Variants in LRP1B observed in about 807,000 individuals in gnomAD.
The protein encoded by LRP1B is LDL receptor related protein 1B.
In LRP1B, 217 loss-of-function variants were observed where a neutral mutation model predicts 556.6. That is an observed-to-expected ratio of 0.39 (90% CI 0.35 to 0.44). LRP1B has a LOEUF of 0.44. Among genes scored for constraint, LRP1B ranks in the 20% least tolerant of loss-of-function variants. The probability of loss-of-function intolerance (pLI) is 1.00; values close to 1 mark genes in which losing one functional copy is unlikely to be tolerated. For missense variants in LRP1B, 5,053 were observed against 5,620.8 expected, an observed-to-expected ratio of 0.90 and a Z score of 3.23; for synonymous variants, 2,047 against 1,865.8, an observed-to-expected ratio of 1.10 and a Z score of -2.50.
At chr2:141,384,042 T>A (rs140905148) in intron 3 of LRP1B, among the ~76,000 whole-genome samples, 107 of 152,346 alleles carry the variant, frequency 7.0e-4, no homozygotes, top group African/African-American at 2.5e-3. Context: ...TAACTATGGC[T>A]ATGTTAATTA....
intron 5 of LRP1B, among the ~76,000 whole-genome samples, chr2:141,239,436 T>C (rs1281007803): frequency 6.6e-6 from 1 of 152,012 alleles, no homozygotes; most frequent in Non-Finnish European, 1.5e-5. Context: ...GACAGGAAAA[T>C]AGGTTTAAAG....
At chr2:141,410,654 T>C (rs1418461232) in intron 3 of LRP1B, among the ~76,000 whole-genome samples, 1 of 152,002 alleles carries the variant, frequency 6.6e-6, no homozygotes, top group Non-Finnish European at 1.5e-5. Flanking sequence ...AGGAATGGTG[T>C]TTTTTACTGA....
intron 3 of LRP1B, among the ~76,000 whole-genome samples, chr2:141,272,667 C>G (rs564488053): frequency 4.6e-5 from 7 of 151,910 alleles, no homozygotes; most frequent in Middle Eastern, 3.4e-3. Flanking sequence ...GTTGGAGTGG[C>G]TATATAATTA....
At chr2:140,649,370 T>G (rs1269412984) in intron 41 of LRP1B, among the ~76,000 whole-genome samples, 3 of 152,172 alleles carry the variant, frequency 2.0e-5, no homozygotes, top group African/African-American at 7.2e-5. Flanking sequence ...ATGCTTTATC[T>G]GGATAGTGGC....
chr2:140,968,100 G>A (rs1439221503), intron 18 of LRP1B, among the ~76,000 whole-genome samples: 1 of 150,050 alleles, frequency 6.7e-6, no homozygotes, highest in Non-Finnish European at 1.5e-5. Context: ...GTTTCAGAAG[G>A]AATGGTACCA....
intron 2 of LRP1B, among the ~76,000 whole-genome samples, chr2:141,595,827 G>C (rs139448236): frequency 6.6e-6 from 1 of 152,124 alleles, no homozygotes; most frequent in East Asian, 1.9e-4. Flanking sequence ...AGAATATCCA[G>C]TGTTGCATGA....
intron 1 of LRP1B, among the ~76,000 whole-genome samples, chr2:142,118,441 T>G (rs1239023711): frequency 2.6e-5 from 4 of 152,198 alleles, no homozygotes; most frequent in Non-Finnish European, 4.4e-5. Context: ...GTTACTTCCC[T>G]TGGCTCTTTA....
At chr2:141,969,436 C>T (rs1240707263) in intron 1 of LRP1B, among the ~76,000 whole-genome samples, 1 of 151,556 alleles carries the variant, frequency 6.6e-6, no homozygotes, top group Admixed American at 6.6e-5. Flanking sequence ...CCGCCACCCT[C>T]TTGTAACCAT....
chr2:140,452,979 T>TC (rs397986048), intron 62 of LRP1B, among the ~76,000 whole-genome samples: 1 of 149,344 alleles, frequency 6.7e-6, no homozygotes, highest in Non-Finnish European at 1.5e-5. Flanking sequence ...TTTTTTTTTT[T>TC]ATAAAATAGG....
intron 7 of LRP1B, among the ~76,000 whole-genome samples, chr2:141,122,611 G>A (rs894473563): frequency 5.3e-5 from 8 of 151,948 alleles, no homozygotes; most frequent in South Asian, 2.1e-4. Flanking sequence ...CAGGTGCTGG[G>A]GAGGATGTGG....
intron 82 of LRP1B, among the ~76,000 whole-genome samples, chr2:140,315,677 A>C (rs1684489996): frequency 6.6e-6 from 1 of 152,228 alleles, no homozygotes; most frequent in Admixed American, 6.5e-5. Flanking sequence ...AATATGGACA[A>C]ACATAGCTTA....
intron 32 of LRP1B, among the ~76,000 whole-genome samples, chr2:140,779,443 T>C (rs558078319): frequency 6.6e-6 from 1 of 152,224 alleles, no homozygotes; most frequent in South Asian, 2.1e-4. Context: ...ACGCCTGTAA[T>C]CCCAGCACTT....
chr2:141,808,505 T>C (rs1216209876), intron 2 of LRP1B, among the ~76,000 whole-genome samples: 1 of 152,116 alleles, frequency 6.6e-6, no homozygotes, highest in Non-Finnish European at 1.5e-5. Flanking sequence ...TTTATTATTG[T>C]TGTTTTTCCA....
intron 3 of LRP1B, among the ~76,000 whole-genome samples, chr2:141,441,728 G>A (rs1680980303): frequency 6.6e-6 from 1 of 152,136 alleles, no homozygotes; most frequent in Admixed American, 6.5e-5. Flanking sequence ...AGTTAACAAG[G>A]AGAGAGTCAC....
chr2:141,431,069 G>A (rs1259146441), intron 3 of LRP1B, among the ~76,000 whole-genome samples: 1 of 152,002 alleles, frequency 6.6e-6, no homozygotes, highest in Non-Finnish European at 1.5e-5. Context: ...CCAGGAGGTT[G>A]AGGCTGCAGT....
chr2:141,945,608 A>G (rs1700930946), intron 1 of LRP1B, among the ~76,000 whole-genome samples: 1 of 151,940 alleles, frequency 6.6e-6, no homozygotes, highest in African/African-American at 2.4e-5. Context: ...AACATGTAAA[A>G]TCTACTATAA....
intron 2 of LRP1B, among the ~76,000 whole-genome samples, chr2:141,509,465 T>C (rs1412912927): frequency 6.6e-6 from 1 of 152,186 alleles, no homozygotes; most frequent in African/African-American, 2.4e-5. Context: ...TTATGACTAC[T>C]GTGATATTTT....
At chr2:141,500,596 T>C (rs749394856) in intron 2 of LRP1B, among the ~76,000 whole-genome samples, 1 of 152,082 alleles carries the variant, frequency 6.6e-6, no homozygotes, top group Non-Finnish European at 1.5e-5. Context: ...TTCAGAAATA[T>C]TTGTCTCAGG....
At chr2:140,312,291 C>T (rs573561436) in intron 83 of LRP1B, among the ~76,000 whole-genome samples, 1 of 152,052 alleles carries the variant, frequency 6.6e-6, no homozygotes, top group African/African-American at 2.4e-5. Context: ...TAACTCCAAA[C>T]TTTAGGAGTA....
Sources: gnomAD v4.1 joint callset for allele counts (sites outside exome capture counted in the v4.1 genomes callset) on GRCh38, gnomAD v4.1.1 for gene constraint, MANE v1.5 for transcripts, NCBI Gene and HGNC (gene_info 2026-07-23, HGNC 2026-07-21) for gene names.